The following DIAPH2 variants were observed in gnomAD, a reference collection of about 807,000 sequenced individuals.
DIAPH2 encodes the protein protein diaphanous homolog 2.
A neutral mutation model predicts 92.7 loss-of-function variants in DIAPH2; 35 were observed. The ratio of observed to expected loss-of-function variants is 0.38; its 90% CI spans 0.29 to 0.50. The LOEUF (loss-of-function observed/expected upper bound fraction) is 0.50. DIAPH2 is among the 20% of genes least tolerant of loss of function. The pLI, the probability that DIAPH2 is intolerant of heterozygous loss-of-function variation, is 0.94. For synonymous variants in DIAPH2, 301 were observed against 280.4 expected, an observed-to-expected ratio of 1.07 and a Z score of -0.73; for missense variants, 701 against 819.5, an observed-to-expected ratio of 0.86 and a Z score of 1.77.
At chrX:97,371,452 C>T (rs1294381747) in intron 24 of DIAPH2, among the ~76,000 whole-genome samples, 1 of 111,368 alleles carries the variant, frequency 9.0e-6, no homozygotes, top group African/African-American at 3.3e-5. Context: ...TTCACAGAGG[C>T]CAACAGACAA....
chrX:97,407,540 T>A (rs2069822547), intron 25 of DIAPH2, among the ~76,000 whole-genome samples: 2 of 112,521 alleles, frequency 1.8e-5, no homozygotes. Context: ...AGGAGTTTGC[T>A]GAAAGCATGA....
Position 96,735,804 on chromosome X carries a change from A to G in DIAPH2, c.165+14A>G. On this transcript the variant is annotated intron_variant, in intron 2 of 26. Coordinates refer to ENST00000324765, the MANE Select transcript of DIAPH2 (RefSeq NM_006729.5). ...GCAGATGATGTGGTAAGGTGGTCTTAGCATGTTATTACATTACTTATGCAT... is the reference window on the plus strand; with the variant it reads ...GCAGATGATGTGGTAAGGTGGTCTTGGCATGTTATTACATTACTTATGCAT... 3 of 997,623 alleles carry G rather than the reference A, an allele frequency of 3.0e-6. No homozygotes were observed. Among genetic ancestry groups the G allele is most frequent in the Non-Finnish European group, 4.1e-6 (3 of 726,782 alleles). The allele number at this position is 997,623 out of a possible 1,213,427, so 82.2% of individuals were successfully genotyped here.
chrX:97,103,157 C>CT (rs1454952480), intron 20 of DIAPH2, among the ~76,000 whole-genome samples: 5 of 111,722 alleles, frequency 4.5e-5, no homozygotes, highest in Non-Finnish European at 9.4e-5. Context: ...TTGTTATGCA[C>CT]TGCCTACTTT....
In DIAPH2 at chrX:96,962,380, C is replaced by CAT. The variant is rs1224506874; in HGVS notation, c.1936-2712_1936-2711insTA. On this transcript the variant is annotated intron_variant, in intron 16 of 26. Coordinates refer to ENST00000324765, the MANE Select transcript of DIAPH2 (RefSeq NM_006729.5). ...ATATATATATACACATATATATATACACATATATATACACATATATATACA... is the reference window on the plus strand; with the variant it reads ...ATATATATATACACATATATATATACATACATATATATACACATATATATACA... 3.5e-4 allele frequency among the ~76,000 whole-genome samples: 9 copies of CAT among 25,728 alleles called. 1 individual carries two copies. The South Asian group carries it at 7.9e-3, about 22-fold the overall frequency. The allele number at this position is 25,728 out of a possible 115,157, so 22.3% of individuals were successfully genotyped here.
rs1234038556 is a variant in DIAPH2, at chrX:97,603,711, TTAGA to T, written c.*4401_*4404del. ...TTTTCACACTACTGTAGTAGACAAT[TTAGA>T]TAGATAAACTTTTTGCCACTATATG... On this transcript the variant is annotated 3_prime_UTR_variant, in exon 27 of 27. Coordinates refer to ENST00000324765, the MANE Select transcript of DIAPH2 (RefSeq NM_006729.5). The T allele has an allele frequency of 7.1e-5, 8 of 112,478 alleles. No individual in the cohort carries two copies. The highest frequency in any genetic ancestry group is 2.6e-4 in the African/African-American group (8 of 30,929). 9.3% of individuals were successfully genotyped at this position (112,478 alleles called of 1,213,427 possible).
At position 96,998,253 on chromosome X, in the gene DIAPH2, A is replaced by T. The variant is rs143666199; in HGVS notation, c.2050+33046A>T. Among the ~76,000 whole-genome samples, 734 of 111,498 alleles carry T rather than the reference A, an allele frequency of 6.6e-3. 6 individuals carry two copies. Among genetic ancestry groups the T allele is most frequent in the African/African-American group, 0.023 (692 of 30,739 alleles). ...TTTAACTTCTGTGGCATTTTTTAGG[A>T]TATATTAATAAACTCCATGTCACTT... On this transcript the variant is annotated intron_variant, in intron 17 of 26. Transcript: ENST00000324765.
At chrX:97,469,955 T>C (rs2070548357) in intron 26 of DIAPH2, 6 of 563,016 alleles carry the variant, frequency 1.1e-5, no homozygotes, top group East Asian at 8.3e-5. Flanking sequence ...GGAAAGAAAA[T>C]ATAGACTTGG....
chrX:97,305,833 A>AAAAAAAAG (rs1401473146), intron 23 of DIAPH2, among the ~76,000 whole-genome samples: 2 of 108,074 alleles, frequency 1.9e-5, no homozygotes, highest in African/African-American at 6.8e-5. Flanking sequence ...CCAAAAAAAA[A>AAAAAAAAG]AAAAAAAAGA....
intron 4 of DIAPH2, among the ~76,000 whole-genome samples, chrX:96,873,829 G>A (rs985572786): frequency 9.0e-6 from 1 of 110,708 alleles, no homozygotes; most frequent in Non-Finnish European, 1.9e-5. Context: ...AGATTACCAG[G>A]ATGTTACCAT....
chrX:97,416,346 C>T (rs2069946319), intron 25 of DIAPH2, among the ~76,000 whole-genome samples: 3 of 112,133 alleles, frequency 2.7e-5, no homozygotes, highest in Non-Finnish European at 5.6e-5. Context: ...CCACTACTTT[C>T]ACATTAGACA....
chrX:97,459,065 T>C (rs1234149676), intron 26 of DIAPH2, among the ~76,000 whole-genome samples: 6 of 112,227 alleles, frequency 5.3e-5, no homozygotes, highest in African/African-American at 1.9e-4. Context: ...TTTTTGTTTT[T>C]TCTTTTAATC....
At chrX:97,435,520 A>AT (rs1295453421) in intron 26 of DIAPH2, among the ~76,000 whole-genome samples, 2 of 111,904 alleles carry the variant, frequency 1.8e-5, no homozygotes, top group African/African-American at 6.5e-5. Flanking sequence ...TCTGTATAAT[A>AT]TGGGCTATTC....
intron 26 of DIAPH2, among the ~76,000 whole-genome samples, chrX:97,439,941 TC>T (rs1345618323): frequency 9.0e-6 from 1 of 111,063 alleles, no homozygotes; most frequent in Non-Finnish European, 1.9e-5. Context: ...CTTAGTTTTC[TC>T]AGCAGCATGA....
chrX:97,268,683 C>G (rs2068358596), intron 23 of DIAPH2, among the ~76,000 whole-genome samples: 1 of 111,376 alleles, frequency 9.0e-6, no homozygotes, highest in Non-Finnish European at 1.9e-5. Context: ...TTAATGCTTA[C>G]TCCCCAAACC....
Position 97,113,796 on chromosome X carries a change from G to A in DIAPH2, c.2350-930G>A, listed in dbSNP as rs139623838. ...CTTGGCATTTGTATTTAAGGAAGTAGGCTATATATACAAAACCAAATATAA... is the reference window on the plus strand; with the variant it reads ...CTTGGCATTTGTATTTAAGGAAGTAAGCTATATATACAAAACCAAATATAA... On this transcript the variant is annotated intron_variant, in intron 20 of 26. Transcript: ENST00000324765. Among the ~76,000 whole-genome samples, 458 of 111,702 alleles carry A rather than the reference G, an allele frequency of 4.1e-3. 2 individuals carry two copies. Among genetic ancestry groups the A allele is most frequent in the African/African-American group, 0.014 (441 of 30,791 alleles).
intron 17 of DIAPH2, among the ~76,000 whole-genome samples, chrX:96,984,713 T>C (rs1245133621): frequency 9.0e-6 from 1 of 111,264 alleles, no homozygotes; most frequent in Non-Finnish European, 1.9e-5. Flanking sequence ...TGACTGGTTG[T>C]TGAGGGTTCT....
At chrX:97,354,268 C>T (rs1054169555) in intron 24 of DIAPH2, among the ~76,000 whole-genome samples, 2 of 112,156 alleles carry the variant, frequency 1.8e-5, no homozygotes, top group Non-Finnish European at 3.8e-5. Context: ...CTAATCCATT[C>T]ACCCCATTTT....
chrX:97,231,841 C>G (rs1169792475), intron 22 of DIAPH2, among the ~76,000 whole-genome samples: 1 of 110,305 alleles, frequency 9.1e-6, no homozygotes, highest in Non-Finnish European at 1.9e-5. Context: ...AACCTTCCAT[C>G]AAAACAAGAA....
chrX:96,827,762 T>C (rs1350387224), intron 4 of DIAPH2, among the ~76,000 whole-genome samples: 2 of 112,047 alleles, frequency 1.8e-5, no homozygotes, highest in African/African-American at 6.5e-5. Flanking sequence ...CCATTCCAGG[T>C]CATGAAGCCT....
Sources: allele counts gnomAD v4.1 joint callset (sites outside exome capture counted in the v4.1 genomes callset), GRCh38; gene constraint gnomAD v4.1.1; transcripts MANE v1.5; gene names NCBI Gene and HGNC (gene_info 2026-07-23, HGNC 2026-07-21).